Variants in COL4A5 observed in about 807,000 individuals in gnomAD.
The protein encoded by COL4A5 is collagen alpha-5(IV) chain.
COL4A5 carries 26 observed loss-of-function variants against 130.2 expected under a neutral mutation model. The ratio of observed to expected loss-of-function variants is 0.20; its 90% CI spans 0.15 to 0.28. The LOEUF is 0.28. Ranked by LOEUF, COL4A5 falls within the 10% of genes least tolerant of loss-of-function variation. COL4A5 has a pLI of 1.00. For synonymous variants in COL4A5, 496 were observed against 439.6 expected, an observed-to-expected ratio of 1.13 and a Z score of -1.60; for missense variants, 1,131 against 1,344.3, an observed-to-expected ratio of 0.84 and a Z score of 2.48.
chrX:108,623,610 G>A (rs1261778005), intron 33 of COL4A5, among the ~76,000 whole-genome samples: 1 of 111,746 alleles, frequency 8.9e-6, no homozygotes, highest in African/African-American at 3.2e-5. Flanking sequence ...GCAGCTTATA[G>A]TAAAGTTTGT....
intron 2 of COL4A5, among the ~76,000 whole-genome samples, chrX:108,550,164 C>T (rs1375671004): frequency 1.8e-5 from 2 of 110,982 alleles, no homozygotes; most frequent in East Asian, 5.8e-4. Context: ...GAATGCCCTC[C>T]AATTAATTTT....
Position 108,648,274 on chromosome X carries a change from CA to C in COL4A5, c.3247-7049del, listed in dbSNP as rs749210499. On this transcript the variant is annotated intron_variant, in intron 36 of 52. Transcript: ENST00000328300. ...GAAATGGTAATTAAAAAATTACCAA[CA>C]AAAAAAAGTCTAGGACCAGATGAAT... 6.4e-5 allele frequency among the ~76,000 whole-genome samples: 7 copies of C among 109,790 alleles called. No individual in the cohort carries two copies. The East Asian group carries it at 1.7e-3, about 27-fold the overall frequency.
intron 1 of COL4A5, among the ~76,000 whole-genome samples, chrX:108,506,373 TATC>T (rs2065124358): frequency 9.1e-6 from 1 of 109,757 alleles, no homozygotes; most frequent in Admixed American, 9.8e-5. Context: ...TCTATCTATC[TATC>T]TATCTATCTA....
chrX:108,564,291 AAGGCTGGTTACCTC>A (rs1404736799), intron 4 of COL4A5, among the ~76,000 whole-genome samples: 1 of 111,659 alleles, frequency 9.0e-6, no homozygotes, highest in African/African-American at 3.2e-5. Flanking sequence ...CTAGGTCCAG[AAGGCTGGTTACCTC>A]AGGCTGTGTA....
intron 22 of COL4A5, 37 bp from the exon 23 acceptor site, chrX:108,596,959 TTG>T (rs747434772): frequency 9.2e-4 from 984 of 1,066,831 alleles, no homozygotes; most frequent in Non-Finnish European, 1.1e-3. Flanking sequence ...GCTTACGTTA[TTG>T]TGTGTGTGTG....
At chrX:108,588,310 G>A (rs1215282966) in intron 19 of COL4A5, among the ~76,000 whole-genome samples, 1 of 111,174 alleles carries the variant, frequency 9.0e-6, no homozygotes, top group Non-Finnish European at 1.9e-5. Flanking sequence ...GATATTCAGT[G>A]ATCTTTCCCA....
At chrX:108,446,191 C>A (rs1467388640) in intron 1 of COL4A5, among the ~76,000 whole-genome samples, 1 of 111,538 alleles carries the variant, frequency 9.0e-6, no homozygotes, top group East Asian at 2.8e-4. Flanking sequence ...GTAAGTTGGG[C>A]TTATTCTACA....
At chrX:108,565,984 C>CTTTTTT (rs113282994) in intron 4 of COL4A5, among the ~76,000 whole-genome samples, 1 of 86,763 alleles carries the variant, frequency 1.2e-5, no homozygotes. Flanking sequence ...GGCTATTCTT[C>CTTTTTT]TTTTTTTTTT....
chrX:108,558,888 T>G (rs1185313734), intron 2 of COL4A5, among the ~76,000 whole-genome samples, 176 bp from the exon 3 acceptor site: 1 of 112,419 alleles, frequency 8.9e-6, no homozygotes, highest in Non-Finnish European at 1.9e-5. Flanking sequence ...CCAGACGGTT[T>G]GTGTTTTCTC....
intron 2 of COL4A5, among the ~76,000 whole-genome samples, chrX:108,543,855 A>G (rs745322204): frequency 6.3e-5 from 7 of 111,434 alleles, no homozygotes; most frequent in Non-Finnish European, 9.4e-5. Context: ...TAGGTGTTTC[A>G]TTCTCTTTGA....
chrX:108,459,207 G>A (rs1489663975), intron 1 of COL4A5, among the ~76,000 whole-genome samples: 1 of 110,692 alleles, frequency 9.0e-6, no homozygotes, highest in Non-Finnish European at 1.9e-5. Flanking sequence ...ATTATTTTTA[G>A]TAGCTCTTTC....
intron 19 of COL4A5, among the ~76,000 whole-genome samples, chrX:108,589,193 G>A (rs1325936882): frequency 1.8e-5 from 2 of 111,349 alleles, no homozygotes; most frequent in Non-Finnish European, 3.8e-5. Context: ...GTTAGGGAAA[G>A]ATAATATAAA....
At chrX:108,602,053 A>C in intron 27 of COL4A5, 64 bp downstream of exon 27, 1 of 567,974 alleles carries the variant, frequency 1.8e-6, no homozygotes, top group South Asian at 2.5e-5. Flanking sequence ...TTCTCTCATA[A>C]AATTCATTCA....
intron 31 of COL4A5, among the ~76,000 whole-genome samples, chrX:108,621,271 C>A (rs1372764852): frequency 9.3e-6 from 1 of 108,054 alleles, no homozygotes; most frequent in Admixed American, 9.9e-5. Flanking sequence ...CTTCCTGCCT[C>A]AGCCTCCTCC....
At chrX:108,558,110 T>A (rs886940532) in intron 2 of COL4A5, among the ~76,000 whole-genome samples, 13 of 81,718 alleles carry the variant, frequency 1.6e-4, no homozygotes, top group Non-Finnish European at 2.5e-4. Flanking sequence ...GTGTGTGATG[T>A]TCCCCTTCCT....
chrX:108,563,154 T>C (rs931215611), intron 3 of COL4A5, among the ~76,000 whole-genome samples: 1 of 111,604 alleles, frequency 9.0e-6, no homozygotes, highest in African/African-American at 3.3e-5. Flanking sequence ...ATTATTTAGG[T>C]AGGTTTCAAT....
At chrX:108,516,526 T>A (rs1295242972) in intron 1 of COL4A5, among the ~76,000 whole-genome samples, 1 of 111,871 alleles carries the variant, frequency 8.9e-6, no homozygotes, top group Non-Finnish European at 1.9e-5. Flanking sequence ...AAACACAGGA[T>A]ACGTCTGTAC....
intron 36 of COL4A5, among the ~76,000 whole-genome samples, chrX:108,653,787 A>G (rs1489597775): frequency 9.0e-6 from 1 of 111,313 alleles, no homozygotes; most frequent in Admixed American, 9.6e-5. Context: ...AAGAATCATG[A>G]TAGTTTATTC....
chrX:108,593,135 A>T (rs770389647), intron 21 of COL4A5, among the ~76,000 whole-genome samples: 8 of 110,864 alleles, frequency 7.2e-5, no homozygotes, highest in Admixed American at 5.7e-4. Flanking sequence ...TTGTACGTGT[A>T]TTTTTTTTGT....
Sources: gnomAD v4.1 joint callset for allele counts (sites outside exome capture counted in the v4.1 genomes callset) on GRCh38, gnomAD v4.1.1 for gene constraint, MANE v1.5 for transcripts, NCBI Gene and HGNC (gene_info 2026-07-23, HGNC 2026-07-21) for gene names.